Variants in NBEA observed in about 807,000 individuals in gnomAD.
NBEA encodes neurobeachin, also known as lysosomal-trafficking regulator 2.
Under a neutral mutation model 343.4 loss-of-function variants are expected in NBEA, and 44 were observed. The ratio of observed to expected loss-of-function variants is 0.13; its 90% CI spans 0.10 to 0.16. NBEA has a LOEUF of 0.16. Among genes scored for constraint, NBEA ranks in the 10% least tolerant of loss-of-function variants. The probability of loss-of-function intolerance (pLI) is 1.00; values close to 1 mark genes in which losing one functional copy is unlikely to be tolerated. For synonymous variants in NBEA, 1,175 were observed against 1,238.7 expected, an observed-to-expected ratio of 0.95 and a Z score of 1.08; for missense variants, 2,555 against 3,631.3, an observed-to-expected ratio of 0.70 and a Z score of 7.62.
chr13:35,280,053 T>C (rs944448344), intron 34 of NBEA, among the ~76,000 whole-genome samples: 10 of 152,206 alleles, frequency 6.6e-5, no homozygotes, highest in African/African-American at 2.2e-4. Context: ...ATTTTATTTG[T>C]GTGTATCTAG....
chr13:34,965,265 G>T (rs1301003297), intron 1 of NBEA, among the ~76,000 whole-genome samples: 1 of 152,002 alleles, frequency 6.6e-6, no homozygotes, highest in Non-Finnish European at 1.5e-5. Context: ...TAATAAGAGA[G>T]ACTAATGTGT....
At chr13:35,263,477 C>G (rs914368180) in intron 34 of NBEA, among the ~76,000 whole-genome samples, 1 of 152,130 alleles carries the variant, frequency 6.6e-6, no homozygotes, top group African/African-American at 2.4e-5. Flanking sequence ...CTACAGAATA[C>G]CCATTCTTCC....
At chr13:35,564,285 T>C (rs547512107) in intron 44 of NBEA, among the ~76,000 whole-genome samples, 3 of 152,116 alleles carry the variant, frequency 2.0e-5, no homozygotes, top group African/African-American at 7.2e-5. Flanking sequence ...TTAAGTAATA[T>C]ATGTTATATC....
intron 35 of NBEA, among the ~76,000 whole-genome samples, chr13:35,298,040 C>G (rs1023161598): frequency 6.6e-6 from 1 of 151,458 alleles, no homozygotes; most frequent in African/African-American, 2.4e-5. Context: ...TACTAGTGAC[C>G]AGAGCCTTAC....
intron 1 of NBEA, among the ~76,000 whole-genome samples, chr13:34,975,542 G>T (rs2060139524): frequency 6.6e-6 from 1 of 152,048 alleles, no homozygotes; most frequent in Admixed American, 6.6e-5. Flanking sequence ...TCATGACCAG[G>T]AACCCAGAAG....
Position 34,970,340 on chromosome 13 carries a change from C to T in NBEA, c.294+27226C>T, listed in dbSNP as rs191066185. Reference sequence around the variant, plus strand: ...TGGTTTGTAAAATTTTCTCCCATTCCGTAGGTTGTCTGTTTACCCTGTTGA... The same window carrying T: ...TGGTTTGTAAAATTTTCTCCCATTCTGTAGGTTGTCTGTTTACCCTGTTGA... On this transcript the variant is annotated intron_variant, in intron 1 of 58. Transcript: ENST00000379939. 1.4e-3 allele frequency among the ~76,000 whole-genome samples: 213 copies of T among 152,022 alleles called. 2 individuals carry two copies. Among genetic ancestry groups the T allele is most frequent in the African/African-American group, 4.7e-3 (194 of 41,502 alleles).
At position 35,056,011 on chromosome 13, in the gene NBEA, G is replaced by C. The variant is rs1426575598; in HGVS notation, c.974G>C (p.Trp325Ser). ...ATATATTTAATTTTTTTATTTAAGT[G>C]GTACATGATCAGCATTGTCCACATT... The part of the protein sequence containing the change: ...CVKYDFQPRK[W>S]YMISIVHIYN... Residue 325 changes from tryptophan (W) to serine (S), a missense_variant and splice_region_variant, in exon 7 of 59, where the codon TGG becomes TCG. This residue lies in a region of NBEA where 75 missense variants were observed against 237.4 expected (regional missense o/e 0.32). Coordinates refer to ENST00000379939, the MANE Select transcript of NBEA (RefSeq NM_001385012.1). The C allele has an allele frequency of 1.3e-6, 2 of 1,573,406 alleles. No individual in the cohort carries two copies.
chr13:35,624,518 T>C (rs2083136442), intron 48 of NBEA, among the ~76,000 whole-genome samples: 1 of 152,078 alleles, frequency 6.6e-6, no homozygotes, highest in South Asian at 2.1e-4. Flanking sequence ...TGATTGGCAT[T>C]CCAATCAAAT....
chr13:35,623,757 C>G (rs1030064507), intron 48 of NBEA, among the ~76,000 whole-genome samples: 1 of 151,982 alleles, frequency 6.6e-6, no homozygotes, highest in Non-Finnish European at 1.5e-5. Context: ...ACTTACAAGG[C>G]TTATGGAAAT....
Position 34,942,590 on chromosome 13 carries a change from T to G in NBEA, c.-231T>G. 1.2e-5 allele frequency: 3 copies of G among 242,048 alleles called. No homozygotes were observed. Among genetic ancestry groups the G allele is most frequent in the Non-Finnish European group, 7.8e-6 (1 of 127,504 alleles). The allele number at this position is 242,048 out of a possible 1,614,324, so 15.0% of individuals were successfully genotyped here. Reference sequence around the variant, plus strand: ...GCACAGCCGCTTGCCCGGCAGCGGTTAGCGGTACCGCCACCGCCGAGAATA... The same window carrying G: ...GCACAGCCGCTTGCCCGGCAGCGGTGAGCGGTACCGCCACCGCCGAGAATA... On this transcript the variant is annotated 5_prime_UTR_variant, in exon 1 of 59. Coordinates refer to ENST00000379939, the MANE Select transcript of NBEA (RefSeq NM_001385012.1).
chr13:35,389,208 T>C (rs1266823123), intron 38 of NBEA, among the ~76,000 whole-genome samples: 1 of 152,146 alleles, frequency 6.6e-6, no homozygotes, highest in African/African-American at 2.4e-5. Context: ...CCCGTAATTG[T>C]ATCAGCCTGT....
chr13:35,142,852 A>C (rs73502413), intron 18 of NBEA, among the ~76,000 whole-genome samples: 2,405 of 152,276 alleles, frequency 0.016, 67 homozygotes, highest in African/African-American at 0.049. Context: ...CATCATTTCA[A>C]TTTAGAGGTT....
chr13:34,965,254 C>A (rs1351273814), intron 1 of NBEA, among the ~76,000 whole-genome samples: 2 of 151,960 alleles, frequency 1.3e-5, no homozygotes, highest in Non-Finnish European at 2.9e-5. Flanking sequence ...ATTTCAAGAT[C>A]TAATAAGAGA....
chr13:35,169,070 C>A, intron 25 of NBEA, 75 bp downstream of exon 25: 1 of 1,199,402 alleles, frequency 8.3e-7, no homozygotes, highest in Non-Finnish European at 1.1e-6. Flanking sequence ...AAATTTTTGA[C>A]TTGGTTATAT....
intron 41 of NBEA, among the ~76,000 whole-genome samples, chr13:35,525,991 G>A (rs548152667): frequency 3.3e-5 from 5 of 152,268 alleles, no homozygotes; most frequent in South Asian, 2.1e-4. Flanking sequence ...TCGGACCATA[G>A]CACTTGGATT....
At chr13:35,358,379 A>G (rs557884348) in intron 38 of NBEA, among the ~76,000 whole-genome samples, 1 of 152,124 alleles carries the variant, frequency 6.6e-6, no homozygotes, top group Non-Finnish European at 1.5e-5. Context: ...TTTCTCCCCA[A>G]CTGAGCTTAT....
chr13:35,343,563 T>C (rs2039707325), intron 36 of NBEA, among the ~76,000 whole-genome samples: 1 of 152,074 alleles, frequency 6.6e-6, no homozygotes, highest in South Asian at 2.1e-4. Context: ...GGCAGCACAG[T>C]AGCGGGTGAA....
At chr13:35,544,371 TA>T in intron 41 of NBEA, among the ~76,000 whole-genome samples, 1 of 152,084 alleles carries the variant, frequency 6.6e-6, no homozygotes, top group East Asian at 1.9e-4. Flanking sequence ...ACTAAACAAG[TA>T]TTTTTTTAAG....
intron 1 of NBEA, among the ~76,000 whole-genome samples, chr13:34,961,866 C>T (rs1476439960): frequency 2.6e-5 from 4 of 152,056 alleles, no homozygotes; most frequent in East Asian, 3.9e-4. Flanking sequence ...TCCAGCATGG[C>T]GGCCACTAGC....
Sources: allele counts gnomAD v4.1 joint callset (sites outside exome capture counted in the v4.1 genomes callset), GRCh38; gene constraint gnomAD v4.1.1; regional missense constraint gnomAD v4.1.1; transcripts MANE v1.5; gene names NCBI Gene and HGNC (gene_info 2026-07-23, HGNC 2026-07-21).